INTS4: variants seen among roughly 807,000 people sequenced by gnomAD.
INTS4 encodes the protein integrator complex subunit 4.
INTS4 carries 70 observed loss-of-function variants against 119.5 expected under a neutral mutation model. The observed-to-expected ratio is 0.59, with a 90% CI of 0.48 to 0.71. The LOEUF is 0.71. Among genes scored for constraint, INTS4 ranks in the 30% least tolerant of loss-of-function variants. The pLI is 0.00. For missense variants in INTS4, 867 were observed against 1,173.2 expected (o/e 0.74, Z 3.81); for synonymous variants, 316 against 419.6 (o/e 0.75, Z 3.02).
chr11:77,982,081 G>T (rs1856257319), intron 2 of INTS4, among the ~76,000 whole-genome samples: 1 of 151,418 alleles, frequency 6.6e-6, no homozygotes, highest in Non-Finnish European at 1.5e-5. Context: ...TCCCTGGAAA[G>T]TGAGTGTTGC....
In INTS4 at chr11:77,891,683, G is replaced by A; in HGVS notation, c.2446C>T (p.Gln816Ter). 1 of 1,612,004 alleles carries A rather than the reference G, an allele frequency of 6.2e-7. No homozygotes were observed. The highest frequency in any genetic ancestry group is 2.2e-5 in the East Asian group (1 of 44,878). The change falls in exon 20 of 23, where the codon CAG becomes TAG. Residue 816 changes from glutamine to a stop codon, truncating the protein, a stop_gained and splice_region_variant. Coordinates refer to ENST00000534064, the MANE Select transcript of INTS4 (RefSeq NM_033547.4). LOFTEE classifies it high-confidence loss of function. The part of the protein sequence containing the change: ...SAFLHLPLPE[Q>*]IHKASATIIE... ...ACAGGGGCCAAATAGACCCTGACCT[G>A]CTCTGGAAGCGGGAGATGCAGAAAG... is the stretch of plus-strand genomic sequence containing the variant.
At chr11:77,982,571 CTT>C (rs1332279123) in intron 2 of INTS4, among the ~76,000 whole-genome samples, 1 of 152,068 alleles carries the variant, frequency 6.6e-6, no homozygotes, top group Non-Finnish European at 1.5e-5. Flanking sequence ...GCTGTTTTAG[CTT>C]AGAGAGAGGG....
intron 6 of INTS4, among the ~76,000 whole-genome samples, chr11:77,959,217 C>T (rs1823508): frequency 0.74 from 113,315 of 152,160 alleles, 42,723 homozygotes; most frequent in African/African-American, 0.85. Flanking sequence ...TCTGAAATCA[C>T]TGGCCTCTGT....
At chr11:77,952,290 T>A (rs532987535) in intron 8 of INTS4, among the ~76,000 whole-genome samples, 1 of 152,318 alleles carries the variant, frequency 6.6e-6, no homozygotes, top group East Asian at 1.9e-4. Flanking sequence ...ATACGTGGGC[T>A]TTAGATTATG....
intron 15 of INTS4, among the ~76,000 whole-genome samples, chr11:77,911,901 G>T (rs947206333): frequency 3.9e-5 from 6 of 152,192 alleles, no homozygotes; most frequent in African/African-American, 9.7e-5. Flanking sequence ...CTTGCCTAAG[G>T]TCACAGAATA....
At chr11:77,980,489 C>A (rs1856162452) in intron 3 of INTS4, among the ~76,000 whole-genome samples, 2 of 152,142 alleles carry the variant, frequency 1.3e-5, no homozygotes, top group South Asian at 4.1e-4. Flanking sequence ...AAGAAGTCCT[C>A]ACATTTTAGC....
chr11:77,961,161 G>T, intron 4 of INTS4, 23 bp from the exon 5 acceptor site: 2 of 1,017,554 alleles, frequency 2.0e-6, no homozygotes, highest in South Asian at 1.8e-5. Flanking sequence ...AAAAAAAAAA[G>T]AAAAAAAGAA....
intron 2 of INTS4, among the ~76,000 whole-genome samples, chr11:77,983,807 T>C (rs913364835): frequency 3.3e-5 from 5 of 152,188 alleles, no homozygotes; most frequent in African/African-American, 4.8e-5. Flanking sequence ...AGATCAAGTG[T>C]AGGAAAACAG....
chr11:77,921,746 A>G (rs1953365757), intron 13 of INTS4, among the ~76,000 whole-genome samples: 1 of 152,210 alleles, frequency 6.6e-6, no homozygotes. Flanking sequence ...CAAAGTACAT[A>G]CTGGACAGGC....
chr11:77,957,535 G>A (rs1470173680), intron 7 of INTS4, among the ~76,000 whole-genome samples: 2 of 150,352 alleles, frequency 1.3e-5, no homozygotes, highest in Non-Finnish European at 3.0e-5. Flanking sequence ...GGGCCACAGA[G>A]CAAGACCCTG....
chr11:77,909,751 G>A (rs1029900734), intron 15 of INTS4, among the ~76,000 whole-genome samples: 2 of 152,212 alleles, frequency 1.3e-5, no homozygotes, highest in African/African-American at 4.8e-5. Context: ...ATTAGAAAGT[G>A]TCATACACAA....
chr11:77,993,152 C>G (rs906532818), intron 1 of INTS4, among the ~76,000 whole-genome samples: 4 of 152,152 alleles, frequency 2.6e-5, no homozygotes, highest in Non-Finnish European at 4.4e-5. Context: ...CCCTATTGTC[C>G]ATCTCCAGGA....
intron 3 of INTS4, 115 bp from the exon 4 acceptor site, chr11:77,979,217 T>G: frequency 1.7e-6 from 1 of 582,432 alleles, no homozygotes; most frequent in Non-Finnish European, 3.2e-6. Flanking sequence ...ACAACTGTAA[T>G]CCCAGCACTT....
Position 77,958,805 on chromosome 11 carries a change from T to C in INTS4, c.738A>G (p.Glu246=), listed in dbSNP as rs779798526. Reference sequence around the variant, plus strand: ...GCTGGACTGCAGCACTGCGCACTTGTTCATAGTCATCAGAGAGTAATTTAC... The same window carrying C: ...GCTGGACTGCAGCACTGCGCACTTGCTCATAGTCATCAGAGAGTAATTTAC... ...QACKLLSDDY[E]QVRSAAVQLI... Residue 246 remains glutamate (E), a synonymous_variant, in exon 7 of 23, where the codon GAA becomes GAG. Transcript: ENST00000534064. 1.9e-6 allele frequency: 3 copies of C among 1,610,098 alleles called. No homozygotes were observed. Among genetic ancestry groups the C allele is most frequent in the African/African-American group, 1.3e-5 (1 of 74,942 alleles).
chr11:77,936,950 A>C (rs1591078780), intron 10 of INTS4, among the ~76,000 whole-genome samples: 1 of 152,196 alleles, frequency 6.6e-6, no homozygotes, highest in South Asian at 2.1e-4. Context: ...TGAAGCGGGC[A>C]GATAAGTTGA....
At chr11:77,980,944 G>T (rs1856185032) in intron 3 of INTS4, among the ~76,000 whole-genome samples, 1 of 151,788 alleles carries the variant, frequency 6.6e-6, no homozygotes, top group African/African-American at 2.4e-5. Flanking sequence ...AGTGAGCCGA[G>T]ATCGTGCCAC....
chr11:77,977,499 C>T (rs933719085), intron 4 of INTS4, among the ~76,000 whole-genome samples: 1 of 151,300 alleles, frequency 6.6e-6, no homozygotes, highest in South Asian at 2.1e-4. Flanking sequence ...TATATGATTA[C>T]AGCAATGTAT....
intron 22 of INTS4, among the ~76,000 whole-genome samples, chr11:77,882,248 G>T (rs987364479): frequency 6.6e-6 from 1 of 152,104 alleles, no homozygotes; most frequent in Non-Finnish European, 1.5e-5. Flanking sequence ...GCTCAGGATC[G>T]CCTGGCAATA....
At chr11:77,943,991 A>G (rs1953989821) in intron 8 of INTS4, among the ~76,000 whole-genome samples, 2 of 152,214 alleles carry the variant, frequency 1.3e-5, no homozygotes, top group South Asian at 4.1e-4. Context: ...AAAATGTTGT[A>G]ATTTTTAAGG....
Sources: gnomAD v4.1 joint callset for allele counts (sites outside exome capture counted in the v4.1 genomes callset) on GRCh38, gnomAD v4.1.1 for gene constraint, MANE v1.5 for transcripts, NCBI Gene and HGNC (gene_info 2026-07-23, HGNC 2026-07-21) for gene names.